Variants in WIPI1 observed in about 807,000 individuals in gnomAD.
WIPI1 encodes the protein WD repeat domain phosphoinositide-interacting protein 1.
In WIPI1, 45 loss-of-function variants were observed where a neutral mutation model predicts 55.3. The observed-to-expected ratio is 0.81, with a 90% CI of 0.64 to 1.04. The LOEUF (loss-of-function observed/expected upper bound fraction) is 1.04, where lower values mean the gene tolerates loss of function less well. WIPI1 is among the 50% of genes least tolerant of loss of function. The pLI is 0.00. For synonymous variants in WIPI1, 195 were observed against 217.6 expected, an observed-to-expected ratio of 0.90 and a Z score of 0.92; for missense variants, 445 against 559.0, an observed-to-expected ratio of 0.80 and a Z score of 2.06.
intron 9 of WIPI1, among the ~76,000 whole-genome samples, chr17:68,429,776 A>G (rs1015008993): frequency 6.6e-6 from 1 of 152,048 alleles, no homozygotes; most frequent in Admixed American, 6.6e-5. Flanking sequence ...TTTAGTAGAG[A>G]CGGGATTTCA....
Position 68,444,605 on chromosome 17 carries a change from C to T in WIPI1, c.334-16G>A, listed in dbSNP as rs772404714. 5.0e-6 allele frequency: 8 copies of T among 1,603,524 alleles called. No individual in the cohort carries two copies. In the East Asian group the frequency reaches 1.8e-4, roughly 36 times the overall value. ...CCAGCAGCCTCTGTAATCACACAGACTTATCAGTCTACCGAACCGTTCCTT... is the reference window on the plus strand; with the variant it reads ...CCAGCAGCCTCTGTAATCACACAGATTTATCAGTCTACCGAACCGTTCCTT... On this transcript the variant is annotated splice_polypyrimidine_tract_variant and intron_variant, in intron 3 of 12. Coordinates refer to ENST00000262139, the MANE Select transcript of WIPI1 (RefSeq NM_017983.7).
chr17:68,450,604 A>G, intron 3 of WIPI1, 124 bp downstream of exon 3: 1 of 1,283,708 alleles, frequency 7.8e-7, no homozygotes, highest in Non-Finnish European at 1.1e-6. Flanking sequence ...ACGGGGCCTG[A>G]GTGTTAACAT....
intron 4 of WIPI1, 78 bp from the exon 5 acceptor site, chr17:68,436,557 A>G: frequency 7.3e-7 from 1 of 1,373,820 alleles, no homozygotes; most frequent in Non-Finnish European, 1.0e-6. Flanking sequence ...ATCTGAAAAC[A>G]GTACAGCTAC....
chr17:68,455,482 C>T (rs1341487248), intron 1 of WIPI1, among the ~76,000 whole-genome samples: 1 of 152,050 alleles, frequency 6.6e-6, no homozygotes, highest in Non-Finnish European at 1.5e-5. Flanking sequence ...ATACTGGATC[C>T]CAAATTCAGC....
chr17:68,450,836 G>A lies in WIPI1; in HGVS notation c.225C>T (p.Val75=). The A allele has an allele frequency of 6.2e-7, 1 of 1,614,202 alleles. No individual in the cohort carries two copies. Among genetic ancestry groups the A allele is most frequent in the Non-Finnish European group, 8.5e-7 (1 of 1,180,036 alleles). ...RLFSSSLVVV[V]SHTKPRQMNV... ...TCATCTGCCGTGGTTTTGTGTGACT[G>A]ACTACCACCACCAGGCTGCTGGAGA... is the stretch of plus-strand genomic sequence containing the variant. Residue 75 remains valine (V), a synonymous_variant, in exon 3 of 13, where the codon GTC becomes GTT. Coordinates refer to ENST00000262139, the MANE Select transcript of WIPI1 (RefSeq NM_017983.7).
chr17:68,429,541 G>A (rs939834130), intron 9 of WIPI1, among the ~76,000 whole-genome samples: 13 of 152,182 alleles, frequency 8.5e-5, no homozygotes, highest in Admixed American at 3.3e-4. Flanking sequence ...ATTGAAGTCA[G>A]ATAGGAAAAG....
At chr17:68,445,843 C>A (rs540754875) in intron 3 of WIPI1, among the ~76,000 whole-genome samples, 10 of 152,334 alleles carry the variant, frequency 6.6e-5, no homozygotes, top group African/African-American at 2.4e-4. Flanking sequence ...TGACTTGGCT[C>A]CCCTCAGGCC....
At chr17:68,431,832 C>T (rs1423389577) in intron 8 of WIPI1, among the ~76,000 whole-genome samples, 1 of 19,390 alleles carries the variant, frequency 5.2e-5, no homozygotes, top group Non-Finnish European at 1.1e-4. Flanking sequence ...TGCTCACAGA[C>T]AGAAACGGGA....
chr17:68,445,569 G>A (rs910315677), intron 3 of WIPI1, among the ~76,000 whole-genome samples: 2 of 152,066 alleles, frequency 1.3e-5, no homozygotes, highest in African/African-American at 4.8e-5. Context: ...CCTCTCTCTG[G>A]TGCTTGCTCT....
At chr17:68,435,583 G>A (rs1488612260) in intron 6 of WIPI1, 37 bp downstream of exon 6, 7 of 1,603,406 alleles carry the variant, frequency 4.4e-6, no homozygotes, top group Non-Finnish European at 6.0e-6. Flanking sequence ...GCCATCCAGC[G>A]AAACCCAGAC....
chr17:68,440,964 A>G (rs933618036), intron 4 of WIPI1: 1 of 152,252 alleles, frequency 6.6e-6, no homozygotes, highest in Non-Finnish European at 1.5e-5. Context: ...GGAAGCATTT[A>G]TACCACTTTT....
At chr17:68,426,253 G>GGGA (rs1397110340) in intron 11 of WIPI1, 78 bp from the exon 12 acceptor site, 2 of 841,014 alleles carry the variant, frequency 2.4e-6, no homozygotes, top group South Asian at 1.3e-5. Context: ...GGGGAGCGGG[G>GGGA]GCTCAAATAA....
Position 68,430,052 on chromosome 17 carries a change from A to G in WIPI1, c.909T>C (p.Ala303=). 6.2e-7 allele frequency: 1 copy of G among 1,614,146 alleles called. No individual in the cohort carries two copies. Among genetic ancestry groups the G allele is most frequent in the Non-Finnish European group, 8.5e-7 (1 of 1,180,024 alleles). ...AGAAGTTCAAGCGTGCAGTGGCAAA[A>G]GCCCTGTCCTGATGCATCATGTCTG... is the stretch of plus-strand genomic sequence containing the variant. ...QVSDMMHQDR[A]FATARLNFSG... The change falls in exon 9 of 13, where the codon GCT becomes GCC. Residue 303 remains alanine, a synonymous_variant. Coordinates refer to ENST00000262139, the MANE Select transcript of WIPI1 (RefSeq NM_017983.7).
chr17:68,447,434 T>C (rs1176618748), intron 3 of WIPI1, among the ~76,000 whole-genome samples: 1 of 152,228 alleles, frequency 6.6e-6, no homozygotes, highest in Non-Finnish European at 1.5e-5. Flanking sequence ...TAGGCTGGAA[T>C]GCAGCAGCGT....
chr17:68,421,768 T>G lies in WIPI1; in HGVS notation c.*5A>C, dbSNP rs1321628437. The G allele has an allele frequency of 6.2e-7, 1 of 1,614,182 alleles. No individual in the cohort carries two copies. Among genetic ancestry groups the G allele is most frequent in the Admixed American group, 1.7e-5 (1 of 60,010 alleles). ...GATGTCCTGATTTCTGAGGTGTGCT[T>G]CTCATCATGACTGCTTCGTTTTGCC... On this transcript the variant is annotated 3_prime_UTR_variant, in exon 13 of 13. Transcript: ENST00000262139.
Position 68,421,720 on chromosome 17 carries a change from C to T in WIPI1, c.*53G>A, listed in dbSNP as rs912364569. The T allele has an allele frequency of 1.9e-6, 3 of 1,613,470 alleles. No homozygotes were observed. The highest frequency in any genetic ancestry group is 2.5e-6 in the Non-Finnish European group (3 of 1,179,602). ...TCCATTCTTCCGCCTTCCTTGTTTT[C>T]TCCAAAACCACCTGATAGGGGGGAT... On this transcript the variant is annotated 3_prime_UTR_variant, in exon 13 of 13. Transcript: ENST00000262139.
Position 68,429,566 on chromosome 17 carries a change from C to T in WIPI1, c.965+430G>A, listed in dbSNP as rs115427695. On this transcript the variant is annotated intron_variant, in intron 9 of 12. Coordinates refer to ENST00000262139, the MANE Select transcript of WIPI1 (RefSeq NM_017983.7). ...GATAGGAAAAGCAGGGGTTTGATTC[C>T]GCTCACCCTTCCTTTGGGGCAAGTT... Among the ~76,000 whole-genome samples, 1,029 of 152,166 alleles carry T rather than the reference C, an allele frequency of 6.8e-3. 5 individuals are homozygous for T. Among genetic ancestry groups the T allele is most frequent in the African/African-American group, 0.019 (779 of 41,512 alleles).
At chr17:68,433,778 T>G (rs1029393226) in intron 7 of WIPI1, among the ~76,000 whole-genome samples, 2 of 65,754 alleles carry the variant, frequency 3.0e-5, no homozygotes, top group African/African-American at 9.3e-5. Flanking sequence ...TTTTTTTTTT[T>G]TTTTTTTTTT....
chr17:68,445,542 C>T (rs7223365), intron 3 of WIPI1, among the ~76,000 whole-genome samples: 25,141 of 152,182 alleles, frequency 0.17, 2,171 homozygotes, highest in South Asian at 0.26. Flanking sequence ...CACGTCCCCA[C>T]TGTTCCTTCC....
Sources: gnomAD v4.1 joint callset for allele counts (sites outside exome capture counted in the v4.1 genomes callset) on GRCh38, gnomAD v4.1.1 for gene constraint, MANE v1.5 for transcripts, NCBI Gene and HGNC (gene_info 2026-07-23, HGNC 2026-07-21) for gene names.